Variants in ADCK1 observed in about 807,000 individuals in gnomAD.
The protein encoded by ADCK1 is aarF domain-containing protein kinase 1.
A neutral mutation model predicts 52.3 loss-of-function variants in ADCK1; 41 were observed. The ratio of observed to expected loss-of-function variants is 0.78; its 90% CI spans 0.61 to 1.02. The LOEUF is 1.02. Among genes scored for constraint, ADCK1 ranks in the 50% least tolerant of loss-of-function variants. ADCK1 has a pLI of 0.00. For synonymous variants in ADCK1, 250 were observed against 274.6 expected (o/e 0.91, Z 0.89); for missense variants, 658 against 679.5 (o/e 0.97, Z 0.35).
chr14:77,881,283 C>T (rs943316408), intron 4 of ADCK1, among the ~76,000 whole-genome samples: 2 of 152,244 alleles, frequency 1.3e-5, no homozygotes, highest in African/African-American at 4.8e-5. Context: ...TTCCTTGCCA[C>T]ATGGACCCCT....
intron 4 of ADCK1, among the ~76,000 whole-genome samples, chr14:77,861,853 T>C (rs1349728635): frequency 6.6e-6 from 1 of 152,204 alleles, no homozygotes; most frequent in East Asian, 1.9e-4. Flanking sequence ...GAGGGTGCAG[T>C]ACTTCTGGAC....
intron 1 of ADCK1, among the ~76,000 whole-genome samples, chr14:77,807,700 G>C (rs2081260262): frequency 2.0e-5 from 3 of 151,700 alleles, no homozygotes; most frequent in East Asian, 3.9e-4. Context: ...GTAGAGATGG[G>C]GTTTCTCCAT....
At chr14:77,808,155 A>G (rs1281440477) in intron 1 of ADCK1, among the ~76,000 whole-genome samples, 2 of 152,200 alleles carry the variant, frequency 1.3e-5, no homozygotes, top group African/African-American at 2.4e-5. Context: ...GGGAGCGAGG[A>G]GAGAGAGATC....
At chr14:77,807,130 G>A (rs1418737655) in intron 1 of ADCK1, among the ~76,000 whole-genome samples, 5 of 141,862 alleles carry the variant, frequency 3.5e-5, no homozygotes, top group Non-Finnish European at 6.1e-5. Flanking sequence ...GTGCAGTGGC[G>A]GGATCTCGGC....
intron 4 of ADCK1, among the ~76,000 whole-genome samples, chr14:77,885,864 C>T (rs1483771256): frequency 1.3e-5 from 2 of 152,140 alleles, no homozygotes; most frequent in African/African-American, 4.8e-5. Context: ...TTGGAAAAGA[C>T]CTTTAGGGGC....
At chr14:77,827,363 A>AG (rs1340142658) in intron 3 of ADCK1, among the ~76,000 whole-genome samples, 1 of 149,274 alleles carries the variant, frequency 6.7e-6, no homozygotes, top group Admixed American at 6.6e-5. Flanking sequence ...AAAAAAAAAA[A>AG]AAAAAAAAGA....
chr14:77,866,480 G>A (rs935323399), intron 4 of ADCK1, among the ~76,000 whole-genome samples: 1 of 152,122 alleles, frequency 6.6e-6, no homozygotes. Context: ...CTAGGGCTCT[G>A]TCTCCCACTT....
At chr14:77,919,462 A>G (rs2083999556) in intron 7 of ADCK1, among the ~76,000 whole-genome samples, 1 of 152,306 alleles carries the variant, frequency 6.6e-6, no homozygotes, top group East Asian at 1.9e-4. Flanking sequence ...GTCTATGTAT[A>G]CCACATTTTC....
At chr14:77,873,491 G>A (rs2082830944) in intron 4 of ADCK1, among the ~76,000 whole-genome samples, 1 of 152,194 alleles carries the variant, frequency 6.6e-6, no homozygotes, top group Non-Finnish European at 1.5e-5. Context: ...ATGTAACCGG[G>A]CAGTGTAGCC....
At chr14:77,868,326 T>G (rs751669266) in intron 4 of ADCK1, among the ~76,000 whole-genome samples, 5 of 152,222 alleles carry the variant, frequency 3.3e-5, no homozygotes, top group Non-Finnish European at 7.3e-5. Flanking sequence ...TCCTGGACTA[T>G]TCTGTTTCAG....
chr14:77,858,764 T>C (rs1315542544), intron 3 of ADCK1, among the ~76,000 whole-genome samples: 1 of 152,122 alleles, frequency 6.6e-6, no homozygotes, highest in African/African-American at 2.4e-5. Context: ...TTAGACTTGG[T>C]TAAAAGCCTT....
intron 4 of ADCK1, among the ~76,000 whole-genome samples, chr14:77,861,496 C>T (rs918043331): frequency 6.6e-6 from 1 of 152,106 alleles, no homozygotes; most frequent in Non-Finnish European, 1.5e-5. Flanking sequence ...GGAGCAGTCT[C>T]GCCTCCAGGA....
chr14:77,809,734 G>A (rs76531654), intron 1 of ADCK1, among the ~76,000 whole-genome samples: 8,214 of 151,552 alleles, frequency 0.054, 298 homozygotes, highest in Middle Eastern at 0.085. Flanking sequence ...AAATAAATGA[G>A]GTTTAAAATC....
At chr14:77,931,867 T>G (rs1230816963) in intron 10 of ADCK1, among the ~76,000 whole-genome samples, 156 bp downstream of exon 10, 2 of 152,134 alleles carry the variant, frequency 1.3e-5, no homozygotes. Context: ...GTTTGAAATG[T>G]TTTCTGAGAG....
At chr14:77,835,133 T>C (rs1705812877) in intron 3 of ADCK1, among the ~76,000 whole-genome samples, 1 of 152,210 alleles carries the variant, frequency 6.6e-6, no homozygotes, top group Non-Finnish European at 1.5e-5. Flanking sequence ...AATTTAGTAC[T>C]GGAGTGCATA....
chr14:77,827,972 G>T (rs1348291907), intron 3 of ADCK1: 1 of 322,420 alleles, frequency 3.1e-6, no homozygotes, highest in Non-Finnish European at 6.0e-6. Context: ...GGGACTACAG[G>T]TGAGTGCCAC....
chr14:77,921,282 G>A (rs1235143884), intron 7 of ADCK1, among the ~76,000 whole-genome samples: 18 of 129,576 alleles, frequency 1.4e-4, no homozygotes, highest in African/African-American at 3.8e-4. Flanking sequence ...AGCCGAGATC[G>A]GGCCACTGCA....
At chr14:77,861,785 C>A (rs1423261008) in intron 4 of ADCK1, among the ~76,000 whole-genome samples, 1 of 152,194 alleles carries the variant, frequency 6.6e-6, no homozygotes, top group African/African-American at 2.4e-5. Context: ...ATCCCTGTTG[C>A]AGGCAGGTGG....
intron 6 of ADCK1, 144 bp from the exon 7 acceptor site, chr14:77,907,659 T>A: frequency 1.7e-6 from 1 of 586,202 alleles, no homozygotes; most frequent in African/African-American, 1.9e-5. Flanking sequence ...CCATCCCCAC[T>A]GTCACCGCTG....
Sources: gnomAD v4.1 joint callset for allele counts (sites outside exome capture counted in the v4.1 genomes callset) on GRCh38, gnomAD v4.1.1 for gene constraint, MANE v1.5 for transcripts, NCBI Gene and HGNC (gene_info 2026-07-23, HGNC 2026-07-21) for gene names.